The following C2 variants were observed in gnomAD, a reference collection of about 807,000 sequenced individuals.
C2 encodes C3/C5 convertase.
In C2, 64 loss-of-function variants were observed where a neutral mutation model predicts 85.2. The ratio of observed to expected loss-of-function variants is 0.75; its 90% CI spans 0.61 to 0.92. The LOEUF (loss-of-function observed/expected upper bound fraction) is 0.92, where lower values mean the gene tolerates loss of function less well. C2 is among the 40% of genes least tolerant of loss of function. The pLI is 0.00. For missense variants in C2, 820 were observed against 971.6 expected (o/e 0.84, Z 2.07); for synonymous variants, 311 against 370.8 (o/e 0.84, Z 1.85).
chr6:31,898,137 A>G (rs569460452), upstream of C2, among the ~76,000 whole-genome samples: 1 of 152,274 alleles, frequency 6.6e-6, no homozygotes, highest in East Asian at 1.9e-4. Context: ...AGGGACGCGG[A>G]GGACACCTTT....
At chr6:31,900,859 G>A, upstream of C2, 1 of 1,613,090 alleles carries the variant, frequency 6.2e-7, no homozygotes, top group African/African-American at 1.3e-5. The surrounding 1 kb of genome is among the most constrained non-coding windows in gnomAD (Gnocchi z 9.7). Context: ...GGGACTTGGT[G>A]GCGCTGATGC....
upstream of C2, among the ~76,000 whole-genome samples, chr6:31,924,057 C>T (rs1363493428): frequency 6.6e-6 from 1 of 152,106 alleles, no homozygotes; most frequent in African/African-American, 2.4e-5. Context: ...GCCTCGGCCT[C>T]CCAAAGTGCT....
At chr6:31,933,235 C>T (rs1451409884) in intron 3 of C2, among the ~76,000 whole-genome samples, 2 of 152,216 alleles carry the variant, frequency 1.3e-5, no homozygotes, top group Non-Finnish European at 2.9e-5. Flanking sequence ...GTGGAATTGT[C>T]ACATCACAGG....
intron 8 of C2, among the ~76,000 whole-genome samples, chr6:31,938,481 C>CATATATAT (rs28993458): frequency 0.02 from 2,902 of 142,900 alleles, 50 homozygotes; most frequent in Admixed American, 0.035. Context: ...TGTATACATA[C>CATATATAT]ATATATATAT....
upstream of C2, among the ~76,000 whole-genome samples, chr6:31,898,865 T>G (rs1229289297): frequency 6.6e-6 from 1 of 151,892 alleles, no homozygotes; most frequent in Non-Finnish European, 1.5e-5. Flanking sequence ...ATTGCAGAAC[T>G]GGTGGAGGGC....
Position 31,943,628 on chromosome 6 carries a change from A to C in C2, c.1568-16A>C. ...CAGGAGCCCTGGTCTAGCCTAATCT[A>C]GTGTATCATTTCCAGGAGACCCCAA... On this transcript the variant is annotated splice_polypyrimidine_tract_variant and intron_variant, in intron 12 of 17. Coordinates refer to ENST00000299367, the MANE Select transcript of C2 (RefSeq NM_000063.6). This position sits in a 1 kb window ranked among gnomAD's most constrained non-coding sequence, Gnocchi z 6.4. 6.2e-7 allele frequency: 1 copy of C among 1,612,726 alleles called. No individual in the cohort carries two copies. The highest frequency in any genetic ancestry group is 8.5e-7 in the Non-Finnish European group (1 of 1,179,728).
chr6:31,914,590 C>CA (rs531356471), intron 1 of C2, among the ~76,000 whole-genome samples: 108 of 117,952 alleles, frequency 9.2e-4, no homozygotes, highest in Middle Eastern at 6.2e-3. Flanking sequence ...GACTCCGTCT[C>CA]AAAAAAAAAA....
intron 3 of C2, 38 bp downstream of exon 3, chr6:31,928,955 G>A (rs1394169470): frequency 1.9e-6 from 3 of 1,568,406 alleles, no homozygotes; most frequent in African/African-American, 1.4e-5. Flanking sequence ...AGGGGGCTGG[G>A]GTCTCCTGGG....
At chr6:31,901,540 C>A (rs1166989301) in intron 1 of C2, among the ~76,000 whole-genome samples, 1 of 152,000 alleles carries the variant, frequency 6.6e-6, no homozygotes, top group East Asian at 1.9e-4. Flanking sequence ...CCACACCCCC[C>A]AGCCCAGCAG....
Position 31,922,459 on chromosome 6 carries a change from C to T in C2, c.-100+2433C>T, listed in dbSNP as rs1769041381. ...GCCTCTGCTATATGCCACGTTTCCT[C>T]AGAAATTTTCAGCTGCAAGGTGCTG... On this transcript the variant is annotated intron_variant, in intron 1 of 3. Transcript: ENST00000413154. The surrounding 1 kb of genome is among the most constrained non-coding windows in gnomAD (Gnocchi z 4.8). 6.6e-6 allele frequency among the ~76,000 whole-genome samples: 1 copy of T among 152,146 alleles called. No individual in the cohort carries two copies.
chr6:31,928,954 G>A (rs1278506434), intron 3 of C2, 37 bp downstream of exon 3: 8 of 1,568,968 alleles, frequency 5.1e-6, no homozygotes, highest in Non-Finnish European at 6.9e-6. Flanking sequence ...CAGGGGGCTG[G>A]GGTCTCCTGG....
upstream of C2, chr6:31,900,894 C>T (rs1767190714): frequency 6.2e-7 from 1 of 1,614,042 alleles, no homozygotes; most frequent in East Asian, 2.2e-5. The surrounding 1 kb of genome is among the most constrained non-coding windows in gnomAD (Gnocchi z 9.7). Context: ...GCCTCACTGA[C>T]CCCATCCTCT....
In C2 at chr6:31,945,294, C is replaced by T. The variant is rs753052576; in HGVS notation, c.2196C>T (p.Leu732=). The T allele has an allele frequency of 2.5e-6, 4 of 1,612,978 alleles. No homozygotes were observed. Among genetic ancestry groups the T allele is most frequent in the Non-Finnish European group, 3.4e-6 (4 of 1,180,054 alleles). ...VPPPRDFHIN[L]FRMQPWLRQH... ...CGCCACGAGACTTTCACATCAATCT[C>T]TTCCGCATGCAGCCCTGGCTGAGGC... The change falls in exon 18 of 18, where the codon CTC becomes CTT. Residue 732 remains leucine, a synonymous_variant. Transcript: ENST00000299367. This position sits in a 1 kb window ranked among gnomAD's most constrained non-coding sequence, Gnocchi z 5.3.
At chr6:31,933,814 C>T in intron 4 of C2, 31 bp downstream of exon 4, 3 of 1,613,756 alleles carry the variant, frequency 1.9e-6, no homozygotes, top group Non-Finnish European at 1.7e-6. Flanking sequence ...CCTGAGATTC[C>T]TCGGCACACC....
At chr6:31,914,030 T>C (rs1768312545) in intron 1 of C2, among the ~76,000 whole-genome samples, 1 of 151,848 alleles carries the variant, frequency 6.6e-6, no homozygotes, top group Non-Finnish European at 1.5e-5. Flanking sequence ...CAAGTGATTG[T>C]CCTGCCTCAG....
At chr6:31,914,363 T>TGGGCGGATCATGA (rs111329206) in intron 1 of C2, among the ~76,000 whole-genome samples, 49,596 of 140,210 alleles carry the variant, frequency 0.35, 9,802 homozygotes, top group East Asian at 0.55. Context: ...GAGGCCGAGG[T>TGGGCGGATCATGA]GGGCGGATCA....
intron 3 of C2, among the ~76,000 whole-genome samples, chr6:31,932,197 C>A (rs1769884700): frequency 7.0e-6 from 1 of 141,886 alleles, no homozygotes; most frequent in Non-Finnish European, 1.5e-5. Flanking sequence ...GGCGGCCGGG[C>A]AGAGGCGCCC....
rs1214936597 is a variant in C2 at position 31,928,933 on chromosome 6, G to A, written c.442+16G>A. 6.2e-7 allele frequency: 1 copy of A among 1,604,112 alleles called. No homozygotes were observed. Among genetic ancestry groups the A allele is most frequent in the Non-Finnish European group, 8.5e-7 (1 of 1,173,700 alleles). Reference sequence around the variant, plus strand: ...GATAATGGGGGTGAGTTCTCTGGCTGATGGGCTACACAGGGGGCTGGGGTC... The same window carrying A: ...GATAATGGGGGTGAGTTCTCTGGCTAATGGGCTACACAGGGGGCTGGGGTC... On this transcript the variant is annotated intron_variant, in intron 3 of 17. Transcript: ENST00000299367.
rs1490652695 is a variant in C2 at position 31,943,258 on chromosome 6, T to A, written c.1394T>A (p.Val465Glu). The change falls in exon 11 of 18, where the codon GTG becomes GAG. Residue 465 changes from valine to glutamate, a missense_variant. Val to Glu is a moderately radical substitution (Grantham distance 121, BLOSUM62 -2). Coordinates refer to ENST00000299367, the MANE Select transcript of C2 (RefSeq NM_000063.6). The surrounding 1 kb of genome is among the most constrained non-coding windows in gnomAD (Gnocchi z 6.4). Reference protein sequence around the residue: ...VSKLTDTICGVGNMSANASDQ... With the variant: ...VSKLTDTICGEGNMSANASDQ... ...AAGCTCACAGACACCATCTGCGGGG[T>A]GGGGAACATGTCAGCAAACGCCTCT... is the stretch of plus-strand genomic sequence containing the variant. 6.2e-7 allele frequency: 1 copy of A among 1,612,634 alleles called. No individual in the cohort carries two copies. The highest frequency in any genetic ancestry group is 8.5e-7 in the Non-Finnish European group (1 of 1,179,962).
Sources: gnomAD v4.1 joint callset for allele counts (sites outside exome capture counted in the v4.1 genomes callset) on GRCh38, gnomAD v4.1.1 for gene constraint, Gnocchi (gnomAD v3.1) non-coding constraint, MANE v1.5 for transcripts, NCBI Gene and HGNC (gene_info 2026-07-23, HGNC 2026-07-21) for gene names.